SKAP1: variants seen among roughly 807,000 people sequenced by gnomAD.
SKAP1 encodes src kinase associated phosphoprotein 1, also known as src kinase-associated phosphoprotein 1.
SKAP1 carries 44 observed loss-of-function variants against 58.5 expected under a neutral mutation model. That is an observed-to-expected ratio of 0.75 (90% CI 0.59 to 0.97). The LOEUF (loss-of-function observed/expected upper bound fraction) is 0.97. SKAP1 is among the 50% of genes least tolerant of loss of function. The pLI, the probability that SKAP1 is intolerant of heterozygous loss-of-function variation, is 0.00. For missense variants in SKAP1, 390 were observed against 435.2 expected (o/e 0.90, Z 0.92); for synonymous variants, 127 against 149.7 (o/e 0.85, Z 1.11).
At chr17:48,201,023 CA>C (rs1273745174) in intron 4 of SKAP1, among the ~76,000 whole-genome samples, 1 of 152,074 alleles carries the variant, frequency 6.6e-6, no homozygotes, top group Non-Finnish European at 1.5e-5. Context: ...GCTTAAGTCA[CA>C]AACAGTCATT....
intron 1 of SKAP1, among the ~76,000 whole-genome samples, chr17:48,428,359 T>C (rs547011659): frequency 8.6e-4 from 131 of 152,362 alleles, no homozygotes; most frequent in African/African-American, 3.1e-3. Context: ...TACCCCGCTC[T>C]ACTTGTCAGC....
chr17:48,420,089 A>T (rs1290249046), intron 1 of SKAP1, among the ~76,000 whole-genome samples: 3 of 152,240 alleles, frequency 2.0e-5, no homozygotes, highest in Non-Finnish European at 4.4e-5. Context: ...ACTGGAAAGC[A>T]AGCAATGAAC....
chr17:48,350,121 T>C (rs1193242964), intron 3 of SKAP1, among the ~76,000 whole-genome samples: 1 of 152,172 alleles, frequency 6.6e-6, no homozygotes, highest in Non-Finnish European at 1.5e-5. Context: ...GTCCTGAATT[T>C]GCAGATACTA....
At chr17:48,312,216 A>T (rs1319235753) in intron 4 of SKAP1, among the ~76,000 whole-genome samples, 1 of 152,178 alleles carries the variant, frequency 6.6e-6, no homozygotes, top group Non-Finnish European at 1.5e-5. Context: ...TTTACCGGTT[A>T]TGCTTCTTGT....
intron 8 of SKAP1, among the ~76,000 whole-genome samples, chr17:48,182,165 G>A (rs1024659746): frequency 2.6e-5 from 4 of 152,140 alleles, no homozygotes; most frequent in African/African-American, 9.7e-5. Flanking sequence ...CTTGCCTGTA[G>A]GTAGGTGGAT....
At chr17:48,174,642 C>T (rs2064264878) in intron 9 of SKAP1, among the ~76,000 whole-genome samples, 1 of 152,134 alleles carries the variant, frequency 6.6e-6, no homozygotes, top group African/African-American at 2.4e-5. Context: ...TTTTAAGAGA[C>T]TATTTTGAAA....
chr17:48,152,946 A>C (rs2063920406), intron 11 of SKAP1, among the ~76,000 whole-genome samples: 1 of 152,160 alleles, frequency 6.6e-6, no homozygotes, highest in African/African-American at 2.4e-5. Context: ...ATATGGTTCT[A>C]GGTAAACGTT....
At chr17:48,392,277 T>C (rs2067358969) in intron 2 of SKAP1, among the ~76,000 whole-genome samples, 1 of 152,238 alleles carries the variant, frequency 6.6e-6, no homozygotes, top group South Asian at 2.1e-4. Flanking sequence ...CACCCACAAA[T>C]GAGACACGTT....
At chr17:48,291,357 T>C (rs1024823565) in intron 4 of SKAP1, among the ~76,000 whole-genome samples, 2 of 152,170 alleles carry the variant, frequency 1.3e-5, no homozygotes, top group African/African-American at 4.8e-5. Context: ...TTGTAAAAAA[T>C]TCAGTGCTAA....
At chr17:48,256,801 A>T (rs1156480470) in intron 4 of SKAP1, among the ~76,000 whole-genome samples, 5 of 152,144 alleles carry the variant, frequency 3.3e-5, no homozygotes, top group Non-Finnish European at 7.4e-5. Flanking sequence ...ATAAATAAAA[A>T]ATATTTCTAG....
At chr17:48,201,120 C>T (rs963608935) in intron 4 of SKAP1, among the ~76,000 whole-genome samples, 6 of 152,018 alleles carry the variant, frequency 3.9e-5, no homozygotes, top group Non-Finnish European at 7.4e-5. Context: ...GCCAAGACAA[C>T]AAGGAGAAAG....
chr17:48,252,369 A>G (rs970203806), intron 4 of SKAP1, among the ~76,000 whole-genome samples: 1 of 152,204 alleles, frequency 6.6e-6, no homozygotes, highest in African/African-American at 2.4e-5. Context: ...AAAGTCAGAT[A>G]AAGAGATAGT....
intron 2 of SKAP1, among the ~76,000 whole-genome samples, chr17:48,385,305 A>G (rs957888009): frequency 8.7e-6 from 1 of 115,522 alleles, no homozygotes; most frequent in Admixed American, 9.4e-5. Flanking sequence ...TATTTCAAGA[A>G]GTTTGCCTGC....
chr17:48,140,235 C>T lies in SKAP1; in HGVS notation c.979-2898G>A, dbSNP rs1368757862. On this transcript the variant is annotated intron_variant, in intron 11 of 12. Transcript: ENST00000336915. The stretch of plus-strand genomic sequence containing the variant: ...CTGCATTGCTCAAATTCCCTGAGCA[C>T]TTCTCAGTCCTTAACTTACTTGATC... Among the ~76,000 whole-genome samples, 3 of 152,352 alleles carry T rather than the reference C, an allele frequency of 2.0e-5. No homozygotes were observed. The East Asian group carries it at 5.8e-4, about 29-fold the overall frequency.
At chr17:48,279,173 G>A (rs969781299) in intron 4 of SKAP1, among the ~76,000 whole-genome samples, 1 of 152,054 alleles carries the variant, frequency 6.6e-6, no homozygotes, top group Non-Finnish European at 1.5e-5. Context: ...ACACTTCTCT[G>A]CCAAAATAGA....
intron 4 of SKAP1, among the ~76,000 whole-genome samples, chr17:48,195,766 A>G (rs1249614963): frequency 1.3e-5 from 2 of 152,218 alleles, no homozygotes; most frequent in Non-Finnish European, 2.9e-5. Context: ...AAACCAACAC[A>G]GAAGACAACT....
chr17:48,182,753 CA>C (rs2064387206), intron 7 of SKAP1, among the ~76,000 whole-genome samples: 1 of 152,052 alleles, frequency 6.6e-6, no homozygotes, highest in African/African-American at 2.4e-5. Context: ...GAAAAGTTTA[CA>C]AGAAAAAGAA....
chr17:48,237,051 C>T (rs2065188462), intron 4 of SKAP1, among the ~76,000 whole-genome samples: 1 of 152,172 alleles, frequency 6.6e-6, no homozygotes, highest in African/African-American at 2.4e-5. Flanking sequence ...GATCATACAA[C>T]TATTAGGTCA....
chr17:48,168,663 C>A (rs1350281995), intron 10 of SKAP1, among the ~76,000 whole-genome samples: 1 of 151,590 alleles, frequency 6.6e-6, no homozygotes, highest in Admixed American at 6.6e-5. Flanking sequence ...TCTCAAAAAA[C>A]AAACAAACAA....
Sources: gnomAD v4.1 joint callset for allele counts (sites outside exome capture counted in the v4.1 genomes callset) on GRCh38, gnomAD v4.1.1 for gene constraint, MANE v1.5 for transcripts, NCBI Gene and HGNC (gene_info 2026-07-23, HGNC 2026-07-21) for gene names.